EPS8: variants seen among roughly 807,000 people sequenced by gnomAD.
EPS8 encodes the protein EGFR pathway substrate 8, signaling adaptor.
Under a neutral mutation model 103.8 loss-of-function variants are expected in EPS8, and 42 were observed. The ratio of observed to expected loss-of-function variants is 0.40; its 90% confidence interval spans 0.32 to 0.52. The LOEUF (loss-of-function observed/expected upper bound fraction) is 0.52, where lower values mean the gene tolerates loss of function less well. Among genes scored for constraint, EPS8 ranks in the 20% least tolerant of loss-of-function variants. The pLI, the probability that EPS8 is intolerant of heterozygous loss-of-function variation, is 0.40. For synonymous variants in EPS8, 344 were observed against 344.6 expected, an observed-to-expected ratio of 1.00 and a Z score of 0.02; for missense variants, 969 against 1,005.1, an observed-to-expected ratio of 0.96 and a Z score of 0.49.
intron 17 of EPS8, among the ~76,000 whole-genome samples, chr12:15,634,915 C>G (rs754076943): frequency 2.0e-5 from 3 of 152,092 alleles, no homozygotes; most frequent in Non-Finnish European, 2.9e-5. Flanking sequence ...AGTGAAGGAG[C>G]CTGTAAATCT....
chr12:15,656,417 T>C (rs73315015), intron 12 of EPS8, among the ~76,000 whole-genome samples: 5,369 of 152,254 alleles, frequency 0.035, 310 homozygotes, highest in African/African-American at 0.12. Flanking sequence ...CATTCATAAG[T>C]TATTGATGTA....
chr12:15,782,438 C>A, intron 1 of EPS8, among the ~76,000 whole-genome samples: 1 of 152,108 alleles, frequency 6.6e-6, no homozygotes, highest in Non-Finnish European at 1.5e-5. Flanking sequence ...GTGGTTGAGG[C>A]TGCAGTAGGC....
intron 13 of EPS8, among the ~76,000 whole-genome samples, chr12:15,652,515 T>G (rs1223395585): frequency 1.3e-5 from 2 of 152,172 alleles, no homozygotes; most frequent in Non-Finnish European, 1.5e-5. Flanking sequence ...ATTTCACCTT[T>G]GTACATTATA....
Position 15,624,368 on chromosome 12 carries a change from A to G in EPS8, c.2084T>C (p.Ile695Thr). The G allele has an allele frequency of 1.9e-6, 3 of 1,592,940 alleles. No homozygotes were observed. Among genetic ancestry groups the G allele is most frequent in the Non-Finnish European group, 2.6e-6 (3 of 1,166,030 alleles). ...SQMEEVQDELIHRLTIGRSAA... is the reference protein window; with the variant it reads ...SQMEEVQDELTHRLTIGRSAA... Reference sequence around the variant, plus strand: ...ACTCCGACCAATGGTCAGTCTGTGGATGAGTTCATCTTGCACTTCCTCCAT... The same window carrying G: ...ACTCCGACCAATGGTCAGTCTGTGGGTGAGTTCATCTTGCACTTCCTCCAT... The change falls in exon 19 of 21, where the codon ATC becomes ACC. Residue 695 changes from isoleucine to threonine, a missense_variant. By Grantham distance (89) the Ile-to-Thr change is moderately conservative. Transcript: ENST00000281172.
In EPS8 at chr12:15,757,473, T is replaced by C. The variant is rs1422297285; in HGVS notation, c.-22+31688A>G. ...GTGAAACCTCATCTCTACTAAAAAA[T>C]ACAAAAATTAGCTAGGCGTGGTGGC... On this transcript the variant is annotated intron_variant, in intron 1 of 20. Coordinates refer to ENST00000281172, the MANE Select transcript of EPS8 (RefSeq NM_004447.6). This position sits in a 1 kb window ranked among gnomAD's most constrained non-coding sequence, Gnocchi z 4.1. Among the ~76,000 whole-genome samples the C allele has an allele frequency of 1.3e-5, 2 of 151,774 alleles. No homozygotes were observed. Among genetic ancestry groups the C allele is most frequent in the Admixed American group, 1.3e-4 (2 of 15,230 alleles).
intron 12 of EPS8, among the ~76,000 whole-genome samples, chr12:15,655,789 C>T (rs10846227): frequency 0.79 from 120,234 of 152,004 alleles, 53,166 homozygotes; most frequent in Non-Finnish European, 0.97. Flanking sequence ...TGGCTACGCT[C>T]GTGTGTACAT....
intron 17 of EPS8, among the ~76,000 whole-genome samples, chr12:15,638,237 T>G (rs1194892356): frequency 6.6e-6 from 1 of 152,102 alleles, no homozygotes; most frequent in African/African-American, 2.4e-5. Flanking sequence ...CTGGCACATA[T>G]TTCCAAGGAT....
Position 15,706,316 on chromosome 12 carries a change from A to G in EPS8, c.-21-23344T>C, listed in dbSNP as rs576580041. On this transcript the variant is annotated intron_variant, in intron 1 of 20. Coordinates refer to ENST00000281172, the MANE Select transcript of EPS8 (RefSeq NM_004447.6). This position sits in a 1 kb window ranked among gnomAD's most constrained non-coding sequence, Gnocchi z 5.2. ...CGTGGAACCTGGGATTCAAAAGGCA[A>G]GGCGGGAAGCACTGCAGCATTGACA... 1.4e-4 allele frequency among the ~76,000 whole-genome samples: 22 copies of G among 152,298 alleles called. No individual in the cohort carries two copies. In the East Asian group the frequency reaches 4.0e-3, roughly 28 times the overall value.
In EPS8 at chr12:15,787,512, A is replaced by T. The variant is rs1249655434; in HGVS notation, c.-22+1649T>A. Among the ~76,000 whole-genome samples the T allele has an allele frequency of 6.6e-6, 1 of 152,214 alleles. No individual in the cohort carries two copies. The highest frequency in any genetic ancestry group is 1.5e-5 in the Non-Finnish European group (1 of 68,020). The stretch of plus-strand genomic sequence containing the variant: ...TTAAGAGTGGGGCTACTAACAGTAT[A>T]AGTTAAATTACACTTACTGGAAATT... On this transcript the variant is annotated intron_variant, in intron 1 of 20. Transcript: ENST00000281172. The surrounding 1 kb of genome is among the most constrained non-coding windows in gnomAD (Gnocchi z 4.9).
At chr12:15,691,278 T>G (rs146171957) in intron 1 of EPS8, among the ~76,000 whole-genome samples, 1 of 151,638 alleles carries the variant, frequency 6.6e-6, no homozygotes, top group African/African-American at 2.4e-5. Context: ...TGATTTACTA[T>G]GCCTGTAATC....
chr12:15,754,894 G>A (rs898084927), intron 1 of EPS8, among the ~76,000 whole-genome samples: 2 of 152,150 alleles, frequency 1.3e-5, no homozygotes, highest in African/African-American at 4.8e-5. Context: ...AAGCTCCCTG[G>A]GCATTTCTGC....
In EPS8 at chr12:15,669,469, T is replaced by C. The variant is rs1434168783; in HGVS notation, c.434A>G (p.Tyr145Cys). ...GCACACCAGTGCAAGAACTGAATCA[T>C]AGCTGCATGAATGCATCACAGCTTG... ...HCQAVMHSCS[Y>C]DSVLALVCKE... The change falls in exon 6 of 21, where the codon TAT becomes TGT. Residue 145 changes from tyrosine (Y) to cysteine (C), a missense_variant. Physicochemically the swap from Tyr to Cys is radical, Grantham distance 194. Coordinates refer to ENST00000281172, the MANE Select transcript of EPS8 (RefSeq NM_004447.6). The C allele has an allele frequency of 2.5e-6, 4 of 1,614,026 alleles. No individual in the cohort carries two copies. The highest frequency in any genetic ancestry group is 2.2e-5 in the East Asian group (1 of 44,874).
Position 15,721,825 on chromosome 12 carries a change from T to C in EPS8, c.-21-38853A>G, listed in dbSNP as rs1946599051. Among the ~76,000 whole-genome samples, 1 of 151,688 alleles carries C rather than the reference T, an allele frequency of 6.6e-6. No homozygotes were observed. Among genetic ancestry groups the C allele is most frequent in the Admixed American group, 6.6e-5 (1 of 15,248 alleles). ...AATTTTTATTATATATTATAAATAT[T>C]ATTTCTGATCATAAAAGTAAATCCA... On this transcript the variant is annotated intron_variant, in intron 1 of 20. Transcript: ENST00000281172. This position sits in a 1 kb window ranked among gnomAD's most constrained non-coding sequence, Gnocchi z 4.4.
intron 1 of EPS8, among the ~76,000 whole-genome samples, chr12:15,750,815 T>A (rs1284190132): frequency 6.6e-6 from 1 of 152,228 alleles, no homozygotes; most frequent in Non-Finnish European, 1.5e-5. Flanking sequence ...GACCATGTTT[T>A]AGAAACATAT....
chr12:15,629,613 G>A (rs936814095), intron 18 of EPS8, among the ~76,000 whole-genome samples: 4 of 152,060 alleles, frequency 2.6e-5, no homozygotes, highest in South Asian at 4.1e-4. Flanking sequence ...ACACACTCAC[G>A]CACACAGTTG....
At chr12:15,723,264 T>C (rs941551549) in intron 1 of EPS8, among the ~76,000 whole-genome samples, 15 of 152,178 alleles carry the variant, frequency 9.9e-5, no homozygotes, top group African/African-American at 2.9e-4. Flanking sequence ...TAAGCCATGA[T>C]TGTGCCACTG....
rs577502742 is a variant in EPS8 at position 15,648,272 on chromosome 12, T to G, written c.1435-1012A>C. ...TTTGTTTCTTTATATGAAAATGAGG[T>G]ATGGAGAAAGCATGATAGACACTGA... On this transcript the variant is annotated intron_variant, in intron 14 of 20. Coordinates refer to ENST00000281172, the MANE Select transcript of EPS8 (RefSeq NM_004447.6). 3.9e-5 allele frequency among the ~76,000 whole-genome samples: 6 copies of G among 152,266 alleles called. No individual in the cohort carries two copies. The South Asian group carries it at 1.2e-3, about 32-fold the overall frequency.
intron 15 of EPS8, 63 bp downstream of exon 15, chr12:15,647,064 C>T: frequency 6.7e-7 from 1 of 1,497,970 alleles, no homozygotes; most frequent in Non-Finnish European, 9.1e-7. Flanking sequence ...ACTGTCACCT[C>T]TGTTAGCACT....
chr12:15,741,976 T>C (rs1333685762), intron 1 of EPS8, among the ~76,000 whole-genome samples: 1 of 152,228 alleles, frequency 6.6e-6, no homozygotes, highest in Non-Finnish European at 1.5e-5. Flanking sequence ...TGGTTTTCTG[T>C]CCTTGCGATA....
Sources: allele counts gnomAD v4.1 joint callset (sites outside exome capture counted in the v4.1 genomes callset), GRCh38; gene constraint gnomAD v4.1.1; non-coding constraint Gnocchi (gnomAD v3.1); transcripts MANE v1.5; gene names NCBI Gene and HGNC (gene_info 2026-07-23, HGNC 2026-07-21).